Variants in GPC6 observed in about 807,000 individuals in gnomAD.
GPC6 encodes the protein glypican-6.
A neutral mutation model predicts 55.2 loss-of-function variants in GPC6; 14 were observed. The ratio of observed to expected loss-of-function variants is 0.25; its 90% CI spans 0.17 to 0.40. The LOEUF (loss-of-function observed/expected upper bound fraction) is 0.40. Ranked by LOEUF, GPC6 falls within the 10% of genes least tolerant of loss-of-function variation. The pLI is 1.00. For synonymous variants in GPC6, 278 were observed against 259.6 expected, an observed-to-expected ratio of 1.07 and a Z score of -0.68; for missense variants, 641 against 708.5, an observed-to-expected ratio of 0.90 and a Z score of 1.08.
intron 4 of GPC6, among the ~76,000 whole-genome samples, chr13:94,077,830 A>G (rs1884969213): frequency 6.6e-6 from 1 of 151,902 alleles, no homozygotes; most frequent in Admixed American, 6.6e-5. Flanking sequence ...CCACTTGATC[A>G]TGCTACATGA....
At chr13:93,744,630 C>A (rs1361657331) in intron 2 of GPC6, among the ~76,000 whole-genome samples, 1 of 143,354 alleles carries the variant, frequency 7.0e-6, no homozygotes, top group Non-Finnish European at 1.5e-5. Context: ...CAAGCACTGT[C>A]AAATTTTGTA....
intron 2 of GPC6, among the ~76,000 whole-genome samples, chr13:93,828,918 A>G (rs541278936): frequency 4.7e-4 from 72 of 152,318 alleles, no homozygotes; most frequent in African/African-American, 1.6e-3. Flanking sequence ...AGAATGCACA[A>G]GTAGCTTCCA....
At chr13:93,716,024 T>C (rs1883242946) in intron 2 of GPC6, among the ~76,000 whole-genome samples, 1 of 151,578 alleles carries the variant, frequency 6.6e-6, no homozygotes, top group Admixed American at 6.6e-5. Context: ...GCTGAAACTT[T>C]CGTATCCCCT....
At chr13:94,196,527 C>T (rs1198801384) in intron 4 of GPC6, among the ~76,000 whole-genome samples, 9 of 152,194 alleles carry the variant, frequency 5.9e-5, no homozygotes, top group Admixed American at 4.6e-4. Context: ...AGACTCTCAA[C>T]ACTGACCTTT....
intron 6 of GPC6, among the ~76,000 whole-genome samples, chr13:94,357,255 T>C (rs1878844387): frequency 6.6e-6 from 1 of 152,172 alleles, no homozygotes; most frequent in African/African-American, 2.4e-5. Context: ...ACTAACTACT[T>C]TCCAAACCCT....
intron 3 of GPC6, among the ~76,000 whole-genome samples, chr13:93,850,382 C>T (rs1476105731): frequency 4.0e-5 from 6 of 151,812 alleles, no homozygotes; most frequent in Non-Finnish European, 7.4e-5. Flanking sequence ...CATAATAACT[C>T]GGGAGACCAT....
intron 3 of GPC6, among the ~76,000 whole-genome samples, chr13:93,963,629 C>A (rs913521188): frequency 1.3e-5 from 2 of 152,096 alleles, no homozygotes; most frequent in African/African-American, 4.8e-5. Flanking sequence ...TGCTAAATGG[C>A]GTATGTTTGT....
At chr13:93,372,000 C>G (rs958330211) in intron 1 of GPC6, among the ~76,000 whole-genome samples, 28 of 152,144 alleles carry the variant, frequency 1.8e-4, no homozygotes, top group Admixed American at 1.2e-3. Context: ...GTTAGTGAAA[C>G]ATACATCTTA....
chr13:93,440,017 A>G (rs1276902547), intron 1 of GPC6, among the ~76,000 whole-genome samples: 1 of 152,234 alleles, frequency 6.6e-6, no homozygotes, highest in African/African-American at 2.4e-5. Flanking sequence ...ACAATCAACA[A>G]TACCCATATC....
At chr13:94,257,829 C>T (rs1054689568) in intron 4 of GPC6, among the ~76,000 whole-genome samples, 7 of 152,096 alleles carry the variant, frequency 4.6e-5, no homozygotes, top group African/African-American at 1.4e-4. Context: ...GAAACTAAGT[C>T]AAAAACAGGA....
At position 93,714,379 on chromosome 13, in the gene GPC6, T is replaced by C. The variant is rs1883179000; in HGVS notation, c.320-115775T>C. ...AGAGTACTGCACATCAAAACCACAA[T>C]GAGATACCATCTCACACCAGTCAGA... On this transcript the variant is annotated intron_variant, in intron 2 of 8. Transcript: ENST00000377047. Among the ~76,000 whole-genome samples the C allele has an allele frequency of 2.6e-5, 4 of 151,904 alleles. 1 individual carries two copies. In the South Asian group the frequency reaches 8.3e-4, roughly 32 times the overall value.
At chr13:93,220,130 A>T in the GPC6 span, among the ~76,000 whole-genome samples, 165 of 152,352 alleles carry the variant, frequency 1.1e-3, no homozygotes, top group Non-Finnish European at 9.0e-4. Context: ...AATTAATGAT[A>T]GATAATTAAC....
chr13:94,317,130 T>C (rs746723527), intron 6 of GPC6, among the ~76,000 whole-genome samples: 8 of 152,220 alleles, frequency 5.3e-5, no homozygotes, highest in Non-Finnish European at 8.8e-5. Context: ...GTCTCAGGAA[T>C]GTGTGTGTCA....
intron 1 of GPC6, among the ~76,000 whole-genome samples, chr13:93,470,004 G>A (rs760833827): frequency 3.3e-5 from 5 of 152,030 alleles, no homozygotes; most frequent in Middle Eastern, 3.2e-3. Context: ...CACCAATTCT[G>A]TATAGTCTTG....
intron 3 of GPC6, among the ~76,000 whole-genome samples, chr13:93,840,973 C>T (rs1271922143): frequency 1.3e-5 from 2 of 152,104 alleles, no homozygotes; most frequent in Non-Finnish European, 2.9e-5. Context: ...TTTCTGAATG[C>T]AATTATGCTC....
At chr13:93,493,359 G>T (rs1281437030) in intron 1 of GPC6, among the ~76,000 whole-genome samples, 1 of 62,322 alleles carries the variant, frequency 1.6e-5, no homozygotes. Flanking sequence ...CTGTGGGATC[G>T]GTGGTGATAT....
intron 2 of GPC6, among the ~76,000 whole-genome samples, chr13:93,772,006 A>T (rs1566527226): frequency 6.6e-6 from 1 of 152,180 alleles, no homozygotes; most frequent in Admixed American, 6.6e-5. Context: ...TGACTCACAA[A>T]TTATAATTTT....
intron 1 of GPC6, among the ~76,000 whole-genome samples, chr13:93,230,181 C>A (rs951112555): frequency 6.6e-6 from 1 of 152,154 alleles, no homozygotes; most frequent in Non-Finnish European, 1.5e-5. Context: ...TTCATGACAG[C>A]TGTTTCTAAT....
intron 6 of GPC6, among the ~76,000 whole-genome samples, chr13:94,373,916 T>G (rs1474995982): frequency 6.6e-6 from 1 of 152,020 alleles, no homozygotes; most frequent in Non-Finnish European, 1.5e-5. Context: ...TATTCAACAT[T>G]CTTAAACAAA....
Sources: gnomAD v4.1 joint callset for allele counts (sites outside exome capture counted in the v4.1 genomes callset) on GRCh38, gnomAD v4.1.1 for gene constraint, MANE v1.5 for transcripts, NCBI Gene and HGNC (gene_info 2026-07-23, HGNC 2026-07-21) for gene names.